The following PRH1 variants were observed in gnomAD, a reference collection of about 807,000 sequenced individuals.
PRH1 encodes proline rich protein HaeIII subfamily 1.
PRH1 carries 7 observed loss-of-function variants against 7.9 expected under a neutral mutation model. That is an observed-to-expected ratio of 0.89 (90% confidence interval 0.50 to 1.67). PRH1 has a LOEUF of 1.67. PRH1 is among the 40% of genes most tolerant of loss of function. The pLI is 0.00. For synonymous variants in PRH1, 45 were observed against 80.8 expected (o/e 0.56, Z 2.38); for missense variants, 109 against 223.6 (o/e 0.49, Z 3.27).
intron 1 of PRH1, among the ~76,000 whole-genome samples, chr12:11,139,814 A>G (rs1418007290): frequency 1.3e-5 from 2 of 152,172 alleles, no homozygotes; most frequent in East Asian, 3.8e-4. Flanking sequence ...TCTTAATCAG[A>G]TAATGCCATA....
intron 1 of PRH1, among the ~76,000 whole-genome samples, chr12:11,009,632 G>T (rs968797239): frequency 6.6e-6 from 1 of 151,708 alleles, no homozygotes; most frequent in South Asian, 2.1e-4. Context: ...CCCAACTCTG[G>T]TCAGATAATA....
intron 2 of PRH1, chr12:10,930,601 G>A: frequency 1.9e-6 from 3 of 1,603,452 alleles, no homozygotes. Context: ...AAGACAGAGA[G>A]ATATGAAGAC....
chr12:11,078,706 A>G (rs1944395435), intron 1 of PRH1: 1 of 151,982 alleles, frequency 6.6e-6, no homozygotes, highest in African/African-American at 2.4e-5. Context: ...GTAAATGTCT[A>G]AATTGTTAAA....
intron 1 of PRH1, chr12:10,986,204 G>A (rs1939613545): frequency 1.2e-6 from 2 of 1,613,976 alleles, no homozygotes; most frequent in African/African-American, 2.7e-5. Context: ...CCTTGGTGCT[G>A]AGATCTTGCG....
chr12:11,156,328 T>C (rs1055104723), intron 1 of PRH1, among the ~76,000 whole-genome samples: 1 of 152,004 alleles, frequency 6.6e-6, no homozygotes, highest in Non-Finnish European at 1.5e-5. Flanking sequence ...GTAGCATTTA[T>C]ATGTTAATTT....
chr12:11,170,316 G>A (rs1250627643), intron 1 of PRH1, among the ~76,000 whole-genome samples: 2 of 152,190 alleles, frequency 1.3e-5, no homozygotes, highest in African/African-American at 2.4e-5. Flanking sequence ...GGAGGCTGAG[G>A]CGGGCAGATC....
At chr12:10,985,382 T>C (rs1413708887) in intron 1 of PRH1, among the ~76,000 whole-genome samples, 3 of 152,050 alleles carry the variant, frequency 2.0e-5, no homozygotes, top group Non-Finnish European at 4.4e-5. Flanking sequence ...ATGCTGGCTA[T>C]AAACTAAACA....
chr12:10,935,725 A>G (rs961421047), intron 2 of PRH1, among the ~76,000 whole-genome samples: 5 of 152,182 alleles, frequency 3.3e-5, no homozygotes, highest in African/African-American at 1.2e-4. Flanking sequence ...GGTGGAGTTA[A>G]ATCCCAATAT....
At chr12:10,884,429 T>A (rs2135782261), upstream of PRH1, among the ~76,000 whole-genome samples, 1 of 152,294 alleles carries the variant, frequency 6.6e-6, no homozygotes, top group East Asian at 1.9e-4. Flanking sequence ...TTGGGTAGGA[T>A]ATTGTTTGTG....
chr12:10,976,415 T>C (rs1939100145), intron 1 of PRH1, among the ~76,000 whole-genome samples: 1 of 152,142 alleles, frequency 6.6e-6, no homozygotes, highest in African/African-American at 2.4e-5. Context: ...GGGATATAGC[T>C]AAGGCAGTGT....
intron 2 of PRH1, among the ~76,000 whole-genome samples, chr12:10,901,641 A>T (rs1198079342): frequency 6.6e-6 from 1 of 152,092 alleles, no homozygotes; most frequent in East Asian, 1.9e-4. Flanking sequence ...TAACCATCAC[A>T]TTGTCCAAAA....
chr12:10,990,075 AT>A (rs1261631133), intron 1 of PRH1, among the ~76,000 whole-genome samples: 1 of 152,204 alleles, frequency 6.6e-6, no homozygotes, highest in African/African-American at 2.4e-5. Context: ...TTCAAAGTAT[AT>A]TACAGAGCTA....
At chr12:10,909,180 T>C (rs1949857202) in intron 2 of PRH1, 1 of 1,613,904 alleles carries the variant, frequency 6.2e-7, no homozygotes, top group Non-Finnish European at 8.5e-7. Context: ...TGAGGACAGC[T>C]CTCTTTTACT....
chr12:11,105,992 C>A (rs1395427611), intron 1 of PRH1, among the ~76,000 whole-genome samples: 1 of 44,034 alleles, frequency 2.3e-5, no homozygotes, highest in East Asian at 3.5e-4. Context: ...CCAAGCTGGA[C>A]TGCAGTGGTG....
intron 1 of PRH1, among the ~76,000 whole-genome samples, chr12:11,158,263 G>A (rs949756509): frequency 3.9e-5 from 6 of 152,004 alleles, no homozygotes; most frequent in African/African-American, 1.2e-4. Context: ...CCCAGCTACT[G>A]TGATTACATC....
At chr12:11,169,658 G>A (rs551288464) in intron 1 of PRH1, among the ~76,000 whole-genome samples, 3 of 152,260 alleles carry the variant, frequency 2.0e-5, no homozygotes, top group Admixed American at 2.0e-4. Flanking sequence ...GACTCTGAAT[G>A]GCTCTGTGTA....
intron 1 of PRH1, among the ~76,000 whole-genome samples, chr12:11,105,451 G>T (rs1397786104): frequency 6.6e-6 from 1 of 152,076 alleles, no homozygotes; most frequent in Non-Finnish European, 1.5e-5. Context: ...TGTCAAACAG[G>T]AAAGCATCTC....
chr12:11,156,656 A>G (rs1272431563), intron 1 of PRH1, among the ~76,000 whole-genome samples: 1 of 151,996 alleles, frequency 6.6e-6, no homozygotes, highest in African/African-American at 2.4e-5. Flanking sequence ...CTTAATATTA[A>G]TTTTTTCAGT....
chr12:10,898,234 G>C (rs530241120), intron 2 of PRH1, among the ~76,000 whole-genome samples: 49 of 152,252 alleles, frequency 3.2e-4, no homozygotes, highest in Non-Finnish European at 5.4e-4. Flanking sequence ...CCCTCCCAAA[G>C]TAGCTAGTCC....
Sources: allele counts gnomAD v4.1 joint callset (sites outside exome capture counted in the v4.1 genomes callset), GRCh38; gene constraint gnomAD v4.1.1; transcripts MANE v1.5; gene names NCBI Gene and HGNC (gene_info 2026-07-23, HGNC 2026-07-21).